CMPK2: variants seen among roughly 807,000 people sequenced by gnomAD.
The protein encoded by CMPK2 is cytidine/uridine monophosphate kinase 2.
Under a neutral mutation model 33.4 loss-of-function variants are expected in CMPK2, and 32 were observed. That is an observed-to-expected ratio of 0.96 (90% confidence interval 0.72 to 1.29). The LOEUF (loss-of-function observed/expected upper bound fraction) is 1.29. CMPK2 is among the 50% of genes most tolerant of loss of function. The pLI, the probability that CMPK2 is intolerant of heterozygous loss-of-function variation, is 0.00. For missense variants in CMPK2, 672 were observed against 616.0 expected (o/e 1.09, Z -0.96); for synonymous variants, 299 against 275.3 (o/e 1.09, Z -0.85).
intron 4 of CMPK2, among the ~76,000 whole-genome samples, 188 bp from the exon 5 acceptor site, chr2:6,850,161 G>A (rs1369191382): frequency 6.6e-6 from 1 of 152,138 alleles, no homozygotes; most frequent in East Asian, 1.9e-4. Context: ...GAATAATAAT[G>A]TTTAATAGCT....
At chr2:6,861,723 T>C (rs940237639) in intron 2 of CMPK2, among the ~76,000 whole-genome samples, 1 of 152,200 alleles carries the variant, frequency 6.6e-6, no homozygotes, top group Non-Finnish European at 1.5e-5. Context: ...TTATTGTCTA[T>C]AGTTGATGAA....
At chr2:6,843,275 T>C (rs1326575560) in intron 3 of CMPK2, among the ~76,000 whole-genome samples, 1 of 152,164 alleles carries the variant, frequency 6.6e-6, no homozygotes, top group East Asian at 1.9e-4. Flanking sequence ...GCATTTGAGT[T>C]AGCAAAGTAT....
chr2:6,859,087 C>T (rs1205076035), intron 3 of CMPK2, among the ~76,000 whole-genome samples: 1 of 152,230 alleles, frequency 6.6e-6, no homozygotes, highest in Non-Finnish European at 1.5e-5. Context: ...AGCAAAGAGA[C>T]TGGCGGCATT....
downstream of CMPK2, among the ~76,000 whole-genome samples, chr2:6,844,578 A>T (rs570380881): frequency 2.0e-5 from 3 of 152,180 alleles, no homozygotes; most frequent in Non-Finnish European, 4.4e-5. Flanking sequence ...TATTCAACTC[A>T]TCTATGGGAT....
intron 3 of CMPK2, among the ~76,000 whole-genome samples, chr2:6,857,543 C>T (rs1194542269): frequency 6.6e-6 from 1 of 151,732 alleles, no homozygotes; most frequent in Non-Finnish European, 1.5e-5. Context: ...GTCTTGAACT[C>T]TTGGGCTCAA....
At chr2:6,855,127 TTAA>T (rs1257252502) in intron 3 of CMPK2, among the ~76,000 whole-genome samples, 32 of 146,692 alleles carry the variant, frequency 2.2e-4, no homozygotes, top group African/African-American at 3.2e-4. Flanking sequence ...GTTTTTGCCA[TTAA>T]TAATAATATC....
chr2:6,863,583 A>G lies in CMPK2; in HGVS notation c.676-5T>C, dbSNP rs1429696295. 3 of 1,609,468 alleles carry G rather than the reference A, an allele frequency of 1.9e-6. No individual in the cohort carries two copies. Among genetic ancestry groups the G allele is most frequent in the Admixed American group, 3.3e-5 (2 of 59,776 alleles). On this transcript the variant is annotated splice_region_variant and splice_polypyrimidine_tract_variant and intron_variant, in intron 1 of 4. Coordinates refer to ENST00000256722, the MANE Select transcript of CMPK2 (RefSeq NM_207315.4). ...TTCAGGAATAAAGGAGGTACACTGT[A>G]AAACAACGTCTATCCATCAGCAATG...
In CMPK2 at chr2:6,841,217, G is replaced by A. The variant is rs1662225449; in HGVS notation, c.993-539C>T. 2.0e-5 allele frequency among the ~76,000 whole-genome samples: 3 copies of A among 152,208 alleles called. No individual in the cohort carries two copies. In the South Asian group the frequency reaches 6.2e-4, roughly 32 times the overall value. Reference sequence around the variant, plus strand: ...GACTAATGCTTTTATCACCTTAGAGGACTTTCTGTTTGACATAGAAATGCC... The same window carrying A: ...GACTAATGCTTTTATCACCTTAGAGAACTTTCTGTTTGACATAGAAATGCC... On this transcript the variant is annotated intron_variant, in intron 3 of 3. Transcript: ENST00000458098.
At chr2:6,840,640 T>A (rs546614655) in exon 4 of CMPK2, 1 of 702,192 alleles carries the variant, frequency 1.4e-6, no homozygotes. Flanking sequence ...GCCGAGCAGG[T>A]GGAGAGAAGG....
rs1663050030 is a variant in CMPK2 at position 6,865,537 on chromosome 2, C to G, written c.160G>C (p.Asp54His). 2.3e-6 allele frequency: 3 copies of G among 1,300,884 alleles called. No homozygotes were observed. The highest frequency in any genetic ancestry group is 1.9e-6 in the Non-Finnish European group (2 of 1,030,072). 80.6% of individuals were successfully genotyped at this position (1,300,884 alleles called of 1,614,324 possible). Reference sequence around the variant, plus strand: ...AGGCGGGGGTCGGGGGCGTCTGCGTCGCCGGGGGCGTCGGCGCCTAGGGCG... The same window carrying G: ...AGGCGGGGGTCGGGGGCGTCTGCGTGGCCGGGGGCGTCGGCGCCTAGGGCG... Reference protein sequence around the residue: ...HFALGADAPGDADAPDPRLAA... With the variant: ...HFALGADAPGHADAPDPRLAA... Residue 54 changes from aspartate to histidine, a missense_variant, in exon 1 of 5, where the codon GAC becomes CAC. By Grantham distance (81) the Asp-to-His change is moderately conservative. Transcript: ENST00000256722.
downstream of CMPK2, among the ~76,000 whole-genome samples, chr2:6,845,787 G>T (rs1248472008): frequency 6.6e-6 from 1 of 152,218 alleles, no homozygotes; most frequent in Non-Finnish European, 1.5e-5. Flanking sequence ...GAATGGGACT[G>T]ATTAACTTCC....
In CMPK2 at chr2:6,865,569, G is replaced by A. The variant is rs955237906; in HGVS notation, c.128C>T (p.Ala43Val). Reference protein sequence around the residue: ...FVLELPDCTLAHFALGADAPG... With the variant: ...FVLELPDCTLVHFALGADAPG... ...GGCGTCGGCGCCTAGGGCGAAGTGA[G>A]CCAGGGTGCAGTCGGGAAGCTCCAG... The change falls in exon 1 of 5, where the codon GCT becomes GTT. Residue 43 changes from alanine to valine, a missense_variant. Ala to Val is a moderately conservative substitution (Grantham distance 64). Transcript: ENST00000256722. 4.4e-6 allele frequency: 6 copies of A among 1,367,392 alleles called. No individual in the cohort carries two copies. Among genetic ancestry groups the A allele is most frequent in the Non-Finnish European group, 5.7e-6 (6 of 1,060,232 alleles). The allele number at this position is 1,367,392 out of a possible 1,614,324, so 84.7% of individuals were successfully genotyped here. A position where few individuals can be genotyped will look rare whatever the true frequency, so the allele number is the denominator to read the frequency against.
chr2:6,849,256 C>T lies in CMPK2; in HGVS notation c.*594G>A. 5 of 985,416 alleles carry T rather than the reference C, an allele frequency of 5.1e-6. No homozygotes were observed. Among genetic ancestry groups the T allele is most frequent in the Non-Finnish European group, 4.8e-6 (4 of 829,940 alleles). The allele number at this position is 985,416 out of a possible 1,614,324, so 61.0% of individuals were successfully genotyped here. On this transcript the variant is annotated 3_prime_UTR_variant, in exon 5 of 5. Coordinates refer to ENST00000256722, the MANE Select transcript of CMPK2 (RefSeq NM_207315.4). ...CTGAGCCTCAGACACAAGATCAATG[C>T]CTTCTTTGTAAGTGTTCCTTACCCA...
chr2:6,848,338 G>A lies in CMPK2; in HGVS notation c.*1512C>T. 1 of 984,768 alleles carries A rather than the reference G, an allele frequency of 1.0e-6. No homozygotes were observed. Among genetic ancestry groups the A allele is most frequent in the African/African-American group, 1.7e-5 (1 of 57,330 alleles). 61.0% of individuals were successfully genotyped at this position (984,768 alleles called of 1,614,324 possible). A position where few individuals can be genotyped will look rare whatever the true frequency, so the allele number is the denominator to read the frequency against. Reference sequence around the variant, plus strand: ...GCATAGATTAGTAAACCACAGCAAAGTTTATTCATGTGCCAGGGACATAAA... The same window carrying A: ...GCATAGATTAGTAAACCACAGCAAAATTTATTCATGTGCCAGGGACATAAA... On this transcript the variant is annotated 3_prime_UTR_variant, in exon 5 of 5. Coordinates refer to ENST00000256722, the MANE Select transcript of CMPK2 (RefSeq NM_207315.4).
At chr2:6,857,609 C>A (rs1662749966) in intron 3 of CMPK2, among the ~76,000 whole-genome samples, 1 of 150,416 alleles carries the variant, frequency 6.6e-6, no homozygotes, top group Non-Finnish European at 1.5e-5. Flanking sequence ...TGAGCCACTG[C>A]ACCTGACCTA....
At chr2:6,859,415 G>GCC (rs1221868604) in intron 3 of CMPK2, among the ~76,000 whole-genome samples, 1 of 152,166 alleles carries the variant, frequency 6.6e-6, no homozygotes, top group East Asian at 1.9e-4. Flanking sequence ...CTCTGCTGCT[G>GCC]CCCCTCCCAT....
intron 1 of CMPK2, among the ~76,000 whole-genome samples, chr2:6,864,766 G>C (rs1443796621): frequency 1.3e-5 from 2 of 152,144 alleles, no homozygotes; most frequent in African/African-American, 4.8e-5. Flanking sequence ...CTGTACTGCT[G>C]TTGGGATGCT....
chr2:6,848,738 T>C lies in CMPK2; in HGVS notation c.*1112A>G. The C allele has an allele frequency of 1.0e-6, 1 of 985,858 alleles. No homozygotes were observed. Among genetic ancestry groups the C allele is most frequent in the Non-Finnish European group, 1.2e-6 (1 of 829,888 alleles). The allele number at this position is 985,858 out of a possible 1,614,324, so 61.1% of individuals were successfully genotyped here. On this transcript the variant is annotated 3_prime_UTR_variant, in exon 5 of 5. Coordinates refer to ENST00000256722, the MANE Select transcript of CMPK2 (RefSeq NM_207315.4). ...CTGGAAGGAATTTTAGGTAATCACC[T>C]GGTTCAACCTACTCCCTAAAGTCAC...
At chr2:6,853,862 A>C (rs1233562690) in intron 3 of CMPK2, among the ~76,000 whole-genome samples, 3 of 152,220 alleles carry the variant, frequency 2.0e-5, no homozygotes, top group South Asian at 4.1e-4. Context: ...AGATCGCGCC[A>C]CTGCACTCCA....
Sources: gnomAD v4.1 joint callset for allele counts (sites outside exome capture counted in the v4.1 genomes callset) on GRCh38, gnomAD v4.1.1 for gene constraint, MANE v1.5 for transcripts, NCBI Gene and HGNC (gene_info 2026-07-23, HGNC 2026-07-21) for gene names.